PAM: variants seen among roughly 807,000 people sequenced by gnomAD.
The protein encoded by PAM is peptidylglycine alpha-amidating monooxygenase.
In PAM, 72 loss-of-function variants were observed where a neutral mutation model predicts 122.1. The ratio of observed to expected loss-of-function variants is 0.59; its 90% confidence interval spans 0.49 to 0.72. PAM has a LOEUF of 0.72. Ranked by LOEUF, PAM falls within the 30% of genes least tolerant of loss-of-function variation. The pLI is 0.00. For missense variants in PAM, 1,106 were observed against 1,183.7 expected (o/e 0.93, Z 0.96); for synonymous variants, 389 against 404.4 (o/e 0.96, Z 0.46).
In PAM at chr5:102,755,353, GTGT is replaced by G. The variant is rs1397841657; in HGVS notation, c.-374+11_-374+13del. 1 of 152,458 alleles carries G rather than the reference GTGT, an allele frequency of 6.6e-6. No individual in the cohort carries two copies. The highest frequency in any genetic ancestry group is 2.4e-5 in the African/African-American group (1 of 41,556). 9.4% of individuals were successfully genotyped at this position (152,458 alleles called of 1,614,324 possible). A position where few individuals can be genotyped will look rare whatever the true frequency, so the allele number is the denominator to read the frequency against. ...ACAGAGCCCGTGGTCGCGCAGGTTG[GTGT>G]TGTTGCCGCTGCTGCCGCCACTGCG... is the stretch of plus-strand genomic sequence containing the variant. On this transcript the variant is annotated splice_donor_region_variant and intron_variant, in intron 1 of 25. Coordinates refer to ENST00000438793, the MANE Select transcript of PAM (RefSeq NM_001177306.2).
chr5:102,990,088 A>G (rs1582631370), intron 15 of PAM, 184 bp from the exon 16 acceptor site: 2 of 375,620 alleles, frequency 5.3e-6, no homozygotes, highest in Non-Finnish European at 4.7e-6. Flanking sequence ...CAGTCACTTC[A>G]TCACTCAGAA....
chr5:102,979,100 T>A (rs1278262064), intron 15 of PAM, among the ~76,000 whole-genome samples: 3 of 151,112 alleles, frequency 2.0e-5, no homozygotes, highest in Non-Finnish European at 4.4e-5. Context: ...GATATACAAA[T>A]AGGAAGATGA....
chr5:102,838,681 T>C (rs1020400271), intron 1 of PAM: 2 of 152,184 alleles, frequency 1.3e-5, no homozygotes, highest in African/African-American at 4.8e-5. Flanking sequence ...AATGAGTTTC[T>C]GTTCATGAGC....
chr5:102,782,101 T>C lies in PAM; in HGVS notation c.-374+26753T>C, dbSNP rs78524737. 5.4e-3 allele frequency among the ~76,000 whole-genome samples: 818 copies of C among 152,342 alleles called. 5 individuals are homozygous for C. The highest frequency in any genetic ancestry group is 0.018 in the African/African-American group (754 of 41,584). Reference sequence around the variant, plus strand: ...TGTATCCTTGCTCATGAAATGGATATTCCTAGGAGCTCAACATTTGGAGAA... The same window carrying C: ...TGTATCCTTGCTCATGAAATGGATACTCCTAGGAGCTCAACATTTGGAGAA... On this transcript the variant is annotated intron_variant, in intron 1 of 25. Transcript: ENST00000438793.
intron 14 of PAM, among the ~76,000 whole-genome samples, chr5:102,971,703 G>T (rs80241418): frequency 0.022 from 3,362 of 152,038 alleles, 130 homozygotes; most frequent in African/African-American, 0.077. Flanking sequence ...ATGACACAGG[G>T]GTCAGGACCA....
intron 1 of PAM, among the ~76,000 whole-genome samples, chr5:102,815,589 T>G (rs1190772540): frequency 6.6e-6 from 1 of 152,146 alleles, no homozygotes; most frequent in Non-Finnish European, 1.5e-5. Context: ...CCCTCTCTCT[T>G]GCTTAACTTT....
intron 23 of PAM, among the ~76,000 whole-genome samples, chr5:103,022,387 C>A (rs1783811755): frequency 6.6e-6 from 1 of 152,034 alleles, no homozygotes. Context: ...CCCTTCCTGT[C>A]CAAGTTATTC....
chr5:102,862,293 C>T (rs1384490213), intron 1 of PAM, among the ~76,000 whole-genome samples: 2 of 150,488 alleles, frequency 1.3e-5, no homozygotes, highest in Non-Finnish European at 2.9e-5. Context: ...CCACAAATCT[C>T]CTATTGAAGG....
chr5:102,800,224 T>A (rs1180777533), intron 1 of PAM, among the ~76,000 whole-genome samples: 1 of 152,200 alleles, frequency 6.6e-6, no homozygotes. Flanking sequence ...TTTTTATGCA[T>A]CATGTTCCTT....
intron 1 of PAM, among the ~76,000 whole-genome samples, chr5:102,778,733 G>C (rs547543891): frequency 6.6e-6 from 1 of 152,218 alleles, no homozygotes; most frequent in Admixed American, 6.5e-5. Context: ...AGATTGCATA[G>C]ACAAGCAACC....
chr5:103,024,293 C>T (rs2151342797), intron 23 of PAM, among the ~76,000 whole-genome samples: 1 of 152,246 alleles, frequency 6.6e-6, no homozygotes, highest in Admixed American at 6.5e-5. Flanking sequence ...ATTAAGATCA[C>T]TGCAGCAGCT....
intron 1 of PAM, among the ~76,000 whole-genome samples, chr5:102,802,618 A>T (rs1765080195): frequency 6.6e-6 from 1 of 152,198 alleles, no homozygotes; most frequent in Non-Finnish European, 1.5e-5. Flanking sequence ...TATTAAAAAA[A>T]CTGAGGCCCC....
chr5:103,005,932 T>TTGTTGC (rs1562218664), intron 18 of PAM, among the ~76,000 whole-genome samples: 1 of 145,304 alleles, frequency 6.9e-6, no homozygotes, highest in African/African-American at 2.8e-5. Context: ...GTTGTTGTTG[T>TTGTTGC]TGCTGTTGTT....
intron 14 of PAM, among the ~76,000 whole-genome samples, chr5:102,972,060 T>G (rs1224877549): frequency 6.6e-6 from 1 of 152,212 alleles, no homozygotes; most frequent in African/African-American, 2.4e-5. Flanking sequence ...TCACATGAAC[T>G]GGAGTGCTCT....
intron 4 of PAM, among the ~76,000 whole-genome samples, chr5:102,913,163 T>A (rs572451115): frequency 1.8e-3 from 268 of 152,066 alleles, no homozygotes; most frequent in Non-Finnish European, 3.1e-3. Flanking sequence ...TGGACAGCAT[T>A]TTGATGAGAA....
At chr5:102,995,347 T>C (rs1013991253) in intron 16 of PAM, among the ~76,000 whole-genome samples, 7 of 152,160 alleles carry the variant, frequency 4.6e-5, no homozygotes, top group Non-Finnish European at 8.8e-5. Flanking sequence ...CTATTTTCTC[T>C]AGTTCTTCTT....
At chr5:102,767,555 A>T (rs1182534081) in intron 1 of PAM, among the ~76,000 whole-genome samples, 3 of 152,198 alleles carry the variant, frequency 2.0e-5, no homozygotes, top group Non-Finnish European at 4.4e-5. Context: ...AGCCTATTGT[A>T]GGAATTCACC....
At chr5:102,774,232 A>T (rs1278165196) in intron 1 of PAM, among the ~76,000 whole-genome samples, 1 of 152,092 alleles carries the variant, frequency 6.6e-6, no homozygotes, top group East Asian at 1.9e-4. Flanking sequence ...TATACCCAGT[A>T]ACTGGATTGC....
intron 7 of PAM, among the ~76,000 whole-genome samples, chr5:102,944,438 A>G (rs1156762077): frequency 1.2e-4 from 18 of 152,302 alleles, no homozygotes; most frequent in Non-Finnish European, 1.5e-5. Context: ...TTGGAATAAT[A>G]AAACTAAAAT....
Sources: gnomAD v4.1 joint callset for allele counts (sites outside exome capture counted in the v4.1 genomes callset) on GRCh38, gnomAD v4.1.1 for gene constraint, MANE v1.5 for transcripts, NCBI Gene and HGNC (gene_info 2026-07-23, HGNC 2026-07-21) for gene names.